Variants in MICOS10 observed in about 807,000 individuals in gnomAD.
The protein encoded by MICOS10 is mitochondrial contact site and cristae organizing system subunit 10, also known as MICOS complex subunit MIC10.
MICOS10 carries 5 observed loss-of-function variants against 13.4 expected under a neutral mutation model. That is an observed-to-expected ratio of 0.37 (90% CI 0.20 to 0.78). MICOS10 has a LOEUF of 0.78. MICOS10 is among the 30% of genes least tolerant of loss of function. MICOS10 has a pLI of 0.47. For missense variants in MICOS10, 101 were observed against 94.6 expected, an observed-to-expected ratio of 1.07 and a Z score of -0.28; for synonymous variants, 35 against 33.6, an observed-to-expected ratio of 1.04 and a Z score of -0.15.
chr1:19,621,253 G>T (rs1438669209), intron 1 of MICOS10, among the ~76,000 whole-genome samples: 8 of 152,198 alleles, frequency 5.3e-5, no homozygotes, highest in African/African-American at 1.9e-4. Flanking sequence ...TTGTGTCTGT[G>T]ACTTGTGCGG....
intron 3 of MICOS10, 22 bp from the exon 4 acceptor site, chr1:19,626,365 G>C: frequency 6.2e-7 from 1 of 1,613,960 alleles, no homozygotes; most frequent in Non-Finnish European, 8.5e-7. Context: ...ACAGTTTTAA[G>C]CTGAATGTCC....
At position 19,629,653 on chromosome 1, in the gene MICOS10, A is replaced by G. The variant is rs547040555; in HGVS notation, c.*3252A>G. The G allele has an allele frequency of 1.3e-5, 2 of 152,290 alleles. No homozygotes were observed. Among genetic ancestry groups the G allele is most frequent in the East Asian group, 3.9e-4 (2 of 5,174 alleles). The allele number at this position is 152,290 out of a possible 1,614,324, so 9.4% of individuals were successfully genotyped here. A position where few individuals can be genotyped will look rare whatever the true frequency, so the allele number is the denominator to read the frequency against. On this transcript the variant is annotated 3_prime_UTR_variant, in exon 4 of 4. Coordinates refer to ENST00000322753, the MANE Select transcript of MICOS10 (RefSeq NM_001032363.4). ...TAAGAAATGCAGGGGTTGGGAATGG[A>G]GGAGATGACGATGTAGTTTTGCTTT...
chr1:19,602,566 A>G (rs1001114677), intron 1 of MICOS10, among the ~76,000 whole-genome samples: 1 of 152,238 alleles, frequency 6.6e-6, no homozygotes, highest in African/African-American at 2.4e-5. Context: ...ATTGCAGGAA[A>G]TTAAAAAGGA....
intron 1 of MICOS10, among the ~76,000 whole-genome samples, chr1:19,621,823 C>T (rs1166437416): frequency 6.6e-6 from 1 of 152,096 alleles, no homozygotes; most frequent in South Asian, 2.1e-4. Context: ...AGAGAGGGTC[C>T]ACTCTAGAAC....
At chr1:19,600,206 A>T (rs141740365) in intron 1 of MICOS10, among the ~76,000 whole-genome samples, 4 of 152,216 alleles carry the variant, frequency 2.6e-5, no homozygotes, top group Admixed American at 2.6e-4. Context: ...GTGAGGTGAT[A>T]AAAGTCTGAC....
intron 1 of MICOS10, among the ~76,000 whole-genome samples, chr1:19,607,652 G>C (rs546883009): frequency 1.3e-5 from 2 of 152,098 alleles, no homozygotes; most frequent in African/African-American, 4.8e-5. Flanking sequence ...CCAGCAACTC[G>C]GGAAGTTTAT....
At chr1:19,599,367 GAT>G (rs1286501332) in intron 1 of MICOS10, among the ~76,000 whole-genome samples, 2 of 152,152 alleles carry the variant, frequency 1.3e-5, no homozygotes, top group African/African-American at 4.8e-5. Context: ...AATAGTTGTT[GAT>G]ATTAATATTA....
intron 1 of MICOS10, chr1:19,600,817 G>A: frequency 1.9e-6 from 2 of 1,046,826 alleles, no homozygotes; most frequent in South Asian, 1.3e-5. Flanking sequence ...GCCCAGGCTG[G>A]TCTTGAACTC....
At chr1:19,623,261 TAAC>T (rs1350610143) in intron 2 of MICOS10, among the ~76,000 whole-genome samples, 1 of 152,170 alleles carries the variant, frequency 6.6e-6, no homozygotes, top group African/African-American at 2.4e-5. Context: ...CATAGGCACT[TAAC>T]AAGTATTTGC....
intron 1 of MICOS10, among the ~76,000 whole-genome samples, chr1:19,603,077 C>T (rs1016385864): frequency 6.6e-6 from 1 of 152,122 alleles, no homozygotes; most frequent in Non-Finnish European, 1.5e-5. Context: ...CACCTGTAAT[C>T]CCAGCACTTT....
chr1:19,598,358 A>G (rs569566668), intron 1 of MICOS10, among the ~76,000 whole-genome samples: 1 of 152,308 alleles, frequency 6.6e-6, no homozygotes, highest in African/African-American at 2.4e-5. Flanking sequence ...GGAATGGGTT[A>G]TTTTGGAAGC....
chr1:19,612,529 C>T (rs1006106484), intron 1 of MICOS10, among the ~76,000 whole-genome samples: 1 of 151,704 alleles, frequency 6.6e-6, no homozygotes, highest in Non-Finnish European at 1.5e-5. Context: ...TCGAGACCAG[C>T]CTGGCCAACG....
At chr1:19,621,021 G>A (rs1367274065) in intron 1 of MICOS10, among the ~76,000 whole-genome samples, 1 of 152,196 alleles carries the variant, frequency 6.6e-6, no homozygotes, top group East Asian at 1.9e-4. Context: ...TCCGTTGCCT[G>A]GTTTGGAATC....
intron 1 of MICOS10, among the ~76,000 whole-genome samples, chr1:19,612,603 A>T (rs1323395609): frequency 1.3e-5 from 2 of 151,978 alleles, no homozygotes; most frequent in African/African-American, 4.8e-5. Flanking sequence ...TGTGCCTGTA[A>T]TCCCAGCTAC....
At chr1:19,613,527 T>C (rs2094871976) in intron 1 of MICOS10, among the ~76,000 whole-genome samples, 1 of 152,188 alleles carries the variant, frequency 6.6e-6, no homozygotes. Context: ...TTGGGTATCC[T>C]CAGTGCTCCT....
At chr1:19,608,739 T>C in intron 1 of MICOS10, 3 of 519,990 alleles carry the variant, frequency 5.8e-6, no homozygotes, top group Non-Finnish European at 6.8e-6. Flanking sequence ...TTGATAAAAA[T>C]TAAAAACTTT....
chr1:19,611,111 C>T (rs1202010704), intron 1 of MICOS10, among the ~76,000 whole-genome samples: 2 of 152,102 alleles, frequency 1.3e-5, no homozygotes, highest in African/African-American at 4.8e-5. Flanking sequence ...ACCACCACAC[C>T]TGGCCACTTT....
At chr1:19,616,462 C>T (rs2094884949) in intron 1 of MICOS10, among the ~76,000 whole-genome samples, 1 of 152,156 alleles carries the variant, frequency 6.6e-6, no homozygotes, top group Non-Finnish European at 1.5e-5. Context: ...ATTGTATCTC[C>T]AGCCAGTGCA....
chr1:19,607,713 A>G (rs2094840636), intron 1 of MICOS10, among the ~76,000 whole-genome samples: 1 of 152,220 alleles, frequency 6.6e-6, no homozygotes, highest in African/African-American at 2.4e-5. Context: ...AAATTTATAG[A>G]AATTGAGAAG....
Sources: gnomAD v4.1 joint callset for allele counts (sites outside exome capture counted in the v4.1 genomes callset) on GRCh38, gnomAD v4.1.1 for gene constraint, MANE v1.5 for transcripts, NCBI Gene and HGNC (gene_info 2026-07-23, HGNC 2026-07-21) for gene names.